CNTD1: variants seen among roughly 807,000 people sequenced by gnomAD.
CNTD1 encodes cyclin N-terminal domain-containing protein 1.
A neutral mutation model predicts 36.3 loss-of-function variants in CNTD1; 17 were observed. That is an observed-to-expected ratio of 0.47 (90% confidence interval 0.32 to 0.70). The LOEUF (loss-of-function observed/expected upper bound fraction) is 0.70, where lower values mean the gene tolerates loss of function less well. CNTD1 is among the 30% of genes least tolerant of loss of function. The pLI is 0.03. For synonymous variants in CNTD1, 128 were observed against 153.3 expected (o/e 0.83, Z 1.22); for missense variants, 338 against 386.1 (o/e 0.88, Z 1.04).
chr17:42,800,815 A>G (rs1342328168), intron 1 of CNTD1, among the ~76,000 whole-genome samples: 4 of 152,190 alleles, frequency 2.6e-5, no homozygotes, highest in Admixed American at 2.6e-4. Context: ...GGATAAATTT[A>G]GGAAGTGAAG....
At chr17:42,799,581 G>C (rs974280620) in intron 1 of CNTD1, among the ~76,000 whole-genome samples, 1 of 151,422 alleles carries the variant, frequency 6.6e-6, no homozygotes, top group Non-Finnish European at 1.5e-5. Context: ...GTGAAATCCT[G>C]TCTCTACTAA....
At chr17:42,808,227 C>T (rs1259256416) in intron 6 of CNTD1, among the ~76,000 whole-genome samples, 1 of 151,822 alleles carries the variant, frequency 6.6e-6, no homozygotes, top group Non-Finnish European at 1.5e-5. Flanking sequence ...CTGGTCAACA[C>T]AGCAAGACCT....
intron 1 of CNTD1, among the ~76,000 whole-genome samples, chr17:42,801,510 AATATATATATATATAT>A (rs1216506814): frequency 9.2e-5 from 5 of 54,344 alleles, no homozygotes; most frequent in African/African-American, 5.2e-4. Flanking sequence ...AAAAAAAAAA[AATATATATATATATAT>A]ATATATATAT....
chr17:42,801,552 ATG>A (rs144472008), intron 1 of CNTD1, among the ~76,000 whole-genome samples: 41,825 of 78,948 alleles, frequency 0.53, 11,661 homozygotes, highest in East Asian at 0.77. Flanking sequence ...TATATAATAT[ATG>A]TGTGTGTGTG....
intron 1 of CNTD1, among the ~76,000 whole-genome samples, chr17:42,801,193 A>C (rs548543183): frequency 1.3e-5 from 2 of 149,384 alleles, no homozygotes; most frequent in African/African-American, 5.0e-5. Flanking sequence ...TCCCAAAAAA[A>C]AAAAAAACAA....
rs568557711 is a variant in CNTD1, at chr17:42,811,585, T to C, written c.*2050T>C. 96 of 1,548,578 alleles carry C rather than the reference T, an allele frequency of 6.2e-5. No homozygotes were observed. In the Middle Eastern group the frequency reaches 1.6e-3, roughly 25 times the overall value. On this transcript the variant is annotated 3_prime_UTR_variant, in exon 7 of 7. Transcript: ENST00000588408. ...CACCATTTATACTGTTTTGCCTCCATTATTACTGCTGCTTCAATTCTGTTC... is the reference window on the plus strand; with the variant it reads ...CACCATTTATACTGTTTTGCCTCCACTATTACTGCTGCTTCAATTCTGTTC...
At position 42,809,430 on chromosome 17, in the gene CNTD1, A is replaced by G. The variant is rs771597067; in HGVS notation, c.888A>G (p.Ala296=). ...CAAGCATTGCTGAGTTCTCTTATGC[A>G]ATCCTGACTCACGGAGTGGGAGCCA... ...ALASIAEFSY[A]ILTHGVGANT... is the part of the protein sequence containing the mutation. Residue 296 remains alanine (A), a synonymous_variant, in exon 7 of 7, where the codon GCA becomes GCG. Coordinates refer to ENST00000588408, the MANE Select transcript of CNTD1 (RefSeq NM_173478.3). 8.1e-6 allele frequency: 13 copies of G among 1,614,066 alleles called. No individual in the cohort carries two copies. The highest frequency in any genetic ancestry group is 3.3e-4 in the Middle Eastern group (2 of 6,084).
chr17:42,806,876 A>G, intron 5 of CNTD1, 58 bp downstream of exon 5: 2 of 1,546,830 alleles, frequency 1.3e-6, no homozygotes, highest in Admixed American at 1.8e-5. Context: ...GAGACAGACC[A>G]CAAGAACTTG....
rs774981060 is a variant in CNTD1 at position 42,806,675 on chromosome 17, A to G, written c.582A>G (p.Gly194=). The G allele has an allele frequency of 3.1e-6, 5 of 1,613,966 alleles. No individual in the cohort carries two copies. Among genetic ancestry groups the G allele is most frequent in the Non-Finnish European group, 4.2e-6 (5 of 1,179,836 alleles). ...CTATCATTCCCATACTCCATCTAGG[A>G]TACAATGGCTGTTTGGTTCCAGCCA... ...AYVETLLEVL[G]YNGCLVPAMR... is the part of the protein sequence containing the mutation. The change falls in exon 5 of 7, where the codon GGA becomes GGG. Residue 194 remains glycine, a splice_region_variant and synonymous_variant. Transcript: ENST00000588408.
chr17:42,810,089 C>T lies in CNTD1; in HGVS notation c.*554C>T, dbSNP rs2054960906. The T allele has an allele frequency of 6.6e-6, 1 of 152,364 alleles. No individual in the cohort carries two copies. Among genetic ancestry groups the T allele is most frequent in the Non-Finnish European group, 1.5e-5 (1 of 68,110 alleles). The allele number at this position is 152,364 out of a possible 1,614,324, so 9.4% of individuals were successfully genotyped here. The stretch of plus-strand genomic sequence containing the variant: ...ATTAGAACTTGATTCTCCCAGAATA[C>T]AAAGTACTCTATTTTAAAGAAAAAC... On this transcript the variant is annotated 3_prime_UTR_variant, in exon 7 of 7. Transcript: ENST00000588408.
intron 6 of CNTD1, 97 bp from the exon 7 acceptor site, chr17:42,809,268 A>G: frequency 8.6e-7 from 1 of 1,169,108 alleles, no homozygotes; most frequent in South Asian, 1.5e-5. Flanking sequence ...ATGAATTTAC[A>G]ATTGCCTTGA....
At chr17:42,807,422 G>C (rs534795035) in intron 5 of CNTD1, among the ~76,000 whole-genome samples, 59 of 148,098 alleles carry the variant, frequency 4.0e-4, no homozygotes, top group Non-Finnish European at 6.9e-4. Flanking sequence ...CTCAGAAAAA[G>C]AAAAAAGAAA....
In CNTD1 at chr17:42,811,539, T is replaced by C; in HGVS notation, c.*2004T>C. The C allele has an allele frequency of 7.4e-7, 1 of 1,359,834 alleles. No homozygotes were observed. Among genetic ancestry groups the C allele is most frequent in the Non-Finnish European group, 1.0e-6 (1 of 991,038 alleles). 84.2% of individuals were successfully genotyped at this position (1,359,834 alleles called of 1,614,324 possible). A position where few individuals can be genotyped will look rare whatever the true frequency, so the allele number is the denominator to read the frequency against. ...TCTGCCCATCAATGTCATGTGATTCTGTGCCATTTTTTTGCTTTCCCACCA... is the reference window on the plus strand; with the variant it reads ...TCTGCCCATCAATGTCATGTGATTCCGTGCCATTTTTTTGCTTTCCCACCA... On this transcript the variant is annotated 3_prime_UTR_variant, in exon 7 of 7. Transcript: ENST00000588408.
rs867923644 is a variant in CNTD1, at chr17:42,809,223, C to T, written c.823-142C>T. On this transcript the variant is annotated intron_variant, in intron 6 of 6. Coordinates refer to ENST00000588408, the MANE Select transcript of CNTD1 (RefSeq NM_173478.3). ...GCAAAGGTATCCTAATATAATTTGG[C>T]CATTGGCAAACACTGGAATCTGGAT... 90 of 745,110 alleles carry T rather than the reference C, an allele frequency of 1.2e-4. No individual in the cohort carries two copies. In the Middle Eastern group the frequency reaches 2.8e-3, roughly 23 times the overall value. The allele number at this position is 745,110 out of a possible 1,614,324, so 46.2% of individuals were successfully genotyped here. A position where few individuals can be genotyped will look rare whatever the true frequency, so the allele number is the denominator to read the frequency against.
At position 42,799,246 on chromosome 17, in the gene CNTD1, C is replaced by T; in HGVS notation, c.169+10C>T. 1 of 1,611,104 alleles carries T rather than the reference C, an allele frequency of 6.2e-7. No individual in the cohort carries two copies. Among genetic ancestry groups the T allele is most frequent in the African/African-American group, 1.3e-5 (1 of 74,940 alleles). On this transcript the variant is annotated intron_variant, in intron 1 of 6. Coordinates refer to ENST00000588408, the MANE Select transcript of CNTD1 (RefSeq NM_173478.3). ...GAGCCCCAGATCGTGGGTGCGGCTG[C>T]AGGGCCGGGGTGCTGGGTTCTTGGG...
In CNTD1 at chr17:42,806,771, C is replaced by A; in HGVS notation, c.678C>A (p.Ser226Arg). The A allele has an allele frequency of 6.2e-7, 1 of 1,614,060 alleles. No individual in the cohort carries two copies. The highest frequency in any genetic ancestry group is 8.5e-7 in the Non-Finnish European group (1 of 1,179,990). The change falls in exon 5 of 7, where the codon AGC (serine) becomes AGA (arginine). Residue 226 changes from serine (S) to arginine (R), a missense_variant. By Grantham distance (110) the Ser-to-Arg change is moderately radical. Coordinates refer to ENST00000588408, the MANE Select transcript of CNTD1 (RefSeq NM_173478.3). ...VYLLHEPIYE[S>R]LLRASIENST... is the part of the protein sequence containing the mutation. ...TTCTGCATGAACCCATATATGAGAGCCTGTTGAGGGCTTCAATTGAGAACT... is the reference window on the plus strand; with the variant it reads ...TTCTGCATGAACCCATATATGAGAGACTGTTGAGGGCTTCAATTGAGAACT...
Position 42,811,507 on chromosome 17 carries a change from G to T in CNTD1, c.*1972G>T. 1 of 993,152 alleles carries T rather than the reference G, an allele frequency of 1.0e-6. No individual in the cohort carries two copies. Among genetic ancestry groups the T allele is most frequent in the Non-Finnish European group, 1.5e-6 (1 of 676,900 alleles). 61.5% of individuals were successfully genotyped at this position (993,152 alleles called of 1,614,324 possible). A position where few individuals can be genotyped will look rare whatever the true frequency, so the allele number is the denominator to read the frequency against. ...CATTCTGTCCTGCTTGCAGTACTGGGTCAGTCTCTGCCCATCAATGTCATG... is the reference window on the plus strand; with the variant it reads ...CATTCTGTCCTGCTTGCAGTACTGGTTCAGTCTCTGCCCATCAATGTCATG... On this transcript the variant is annotated 3_prime_UTR_variant, in exon 7 of 7. Coordinates refer to ENST00000588408, the MANE Select transcript of CNTD1 (RefSeq NM_173478.3).
chr17:42,801,355 G>C (rs534752953), intron 1 of CNTD1, among the ~76,000 whole-genome samples: 7 of 149,440 alleles, frequency 4.7e-5, no homozygotes, highest in Admixed American at 1.3e-4. Context: ...AATTAGCCAG[G>C]CATGGTGGCA....
At chr17:42,808,328 T>C (rs2054915082) in intron 6 of CNTD1, among the ~76,000 whole-genome samples, 4 of 151,940 alleles carry the variant, frequency 2.6e-5, no homozygotes, top group Admixed American at 6.6e-5. Context: ...GTGGGTGGAC[T>C]GCCTGAGCTC....
Sources: allele counts gnomAD v4.1 joint callset (sites outside exome capture counted in the v4.1 genomes callset), GRCh38; gene constraint gnomAD v4.1.1; transcripts MANE v1.5; gene names NCBI Gene and HGNC (gene_info 2026-07-23, HGNC 2026-07-21).